The following LRRIQ1 variants were observed in gnomAD, a reference collection of about 807,000 sequenced individuals.
The protein encoded by LRRIQ1 is leucine-rich repeat- and IQ domain-containing protein 1.
A neutral mutation model predicts 211.9 loss-of-function variants in LRRIQ1; 210 were observed. That is an observed-to-expected ratio of 0.99 (90% CI 0.89 to 1.11). The LOEUF (loss-of-function observed/expected upper bound fraction) is 1.11. LRRIQ1 is among the 50% of genes most tolerant of loss of function. The pLI, the probability that LRRIQ1 is intolerant of heterozygous loss-of-function variation, is 0.00. For synonymous variants in LRRIQ1, 699 were observed against 650.1 expected (o/e 1.08, Z -1.14); for missense variants, 2,136 against 1,939.5 (o/e 1.10, Z -1.90).
chr12:85,094,454 A>C (rs942866125), intron 11 of LRRIQ1, among the ~76,000 whole-genome samples: 1 of 152,210 alleles, frequency 6.6e-6, no homozygotes, highest in Non-Finnish European at 1.5e-5. Context: ...GACCACTGCT[A>C]TATCCTGTCC....
intron 24 of LRRIQ1, among the ~76,000 whole-genome samples, chr12:85,210,221 C>A (rs1893771611): frequency 6.6e-6 from 1 of 152,078 alleles, no homozygotes; most frequent in South Asian, 2.1e-4. Flanking sequence ...TGGTCAAAAA[C>A]CACAGTATTC....
chr12:85,203,769 G>A (rs559681740), intron 24 of LRRIQ1, among the ~76,000 whole-genome samples: 2 of 152,112 alleles, frequency 1.3e-5, no homozygotes, highest in Non-Finnish European at 2.9e-5. Flanking sequence ...GGTGACTCGG[G>A]TGCTGTAAAA....
chr12:85,176,433 T>C (rs1256269920), intron 24 of LRRIQ1, among the ~76,000 whole-genome samples: 1 of 151,720 alleles, frequency 6.6e-6, no homozygotes, highest in East Asian at 1.9e-4. Flanking sequence ...TGAGTTCATG[T>C]CCTTTGTAGG....
intron 24 of LRRIQ1, among the ~76,000 whole-genome samples, chr12:85,198,138 A>G (rs186977777): frequency 1.7e-5 from 2 of 118,438 alleles, no homozygotes; most frequent in Non-Finnish European, 3.2e-5. Context: ...TATTATATAT[A>G]ATATATTATA....
intron 24 of LRRIQ1, among the ~76,000 whole-genome samples, chr12:85,173,351 T>C (rs1891512242): frequency 6.6e-6 from 1 of 152,208 alleles, no homozygotes; most frequent in African/African-American, 2.4e-5. Flanking sequence ...TCTAATTAGC[T>C]TCCAGAATGC....
chr12:85,045,617 T>A (rs1879447512), intron 4 of LRRIQ1, among the ~76,000 whole-genome samples: 1 of 151,944 alleles, frequency 6.6e-6, no homozygotes, highest in Non-Finnish European at 1.5e-5. Flanking sequence ...GGTTACAGAA[T>A]AGTTCTCTTT....
chr12:85,177,329 G>C lies in LRRIQ1; in HGVS notation c.4822+16615G>C, dbSNP rs541956529. On this transcript the variant is annotated intron_variant, in intron 24 of 26. Coordinates refer to ENST00000393217, the MANE Select transcript of LRRIQ1 (RefSeq NM_001079910.2). ...GTTCTCTATCTAGAAGCAGGGGTTGGGGGTGAGGGGCAACATAAATACTCC... is the reference window on the plus strand; with the variant it reads ...GTTCTCTATCTAGAAGCAGGGGTTGCGGGTGAGGGGCAACATAAATACTCC... Among the ~76,000 whole-genome samples, 4 of 152,152 alleles carry C rather than the reference G, an allele frequency of 2.6e-5. No individual in the cohort carries two copies. In the South Asian group the frequency reaches 6.2e-4, roughly 24 times the overall value.
In LRRIQ1 at chr12:85,153,051, ACTTCATTT is replaced by A. The variant is rs1290349842; in HGVS notation, c.4448_4455del (p.Thr1483LysfsTer5). 11 of 1,577,346 alleles carry A rather than the reference ACTTCATTT, an allele frequency of 7.0e-6. No individual in the cohort carries two copies. Among genetic ancestry groups the A allele is most frequent in the Non-Finnish European group, 8.7e-6 (10 of 1,154,986 alleles). ...TCCTGGAAACTTAAAATGGGATGAT[ACTTCATTT>A]AATTTACCAAGTAATCCAGCTCAAG... On this transcript the variant is annotated frameshift_variant, in exon 21 of 27. Coordinates refer to ENST00000393217, the MANE Select transcript of LRRIQ1 (RefSeq NM_001079910.2). LOFTEE classifies it high-confidence loss of function.
At chr12:85,114,822 A>C (rs973465021) in intron 15 of LRRIQ1, among the ~76,000 whole-genome samples, 4 of 152,162 alleles carry the variant, frequency 2.6e-5, no homozygotes, top group Middle Eastern at 3.2e-3. Context: ...CATTTATCTA[A>C]AGGATTTTAA....
Position 85,124,478 on chromosome 12 carries a change from T to A in LRRIQ1, c.3966T>A (p.Ser1322=). The A allele has an allele frequency of 6.2e-7, 1 of 1,613,428 alleles. No homozygotes were observed. Among genetic ancestry groups the A allele is most frequent in the South Asian group, 1.1e-5 (1 of 91,078 alleles). The change falls in exon 17 of 27, where the codon TCT becomes TCA. Residue 1322 remains serine (S), a synonymous_variant. Coordinates refer to ENST00000393217, the MANE Select transcript of LRRIQ1 (RefSeq NM_001079910.2). ...TTAAGGAAGTAGTAATGACAAATTC[T>A]TTGCTGAGGAATCACCAAAATATTG... ...IPFKEVVMTN[S]LLRNHQNIEP...
intron 16 of LRRIQ1, 98 bp downstream of exon 16, chr12:85,121,974 G>T: frequency 3.8e-6 from 4 of 1,044,144 alleles, no homozygotes; most frequent in East Asian, 3.0e-5. Context: ...ATACTTTTTT[G>T]GATTAGAACA....
At chr12:85,267,380 G>A (rs911443634), downstream of LRRIQ1, among the ~76,000 whole-genome samples, 1 of 151,766 alleles carries the variant, frequency 6.6e-6, no homozygotes, top group Admixed American at 6.6e-5. Flanking sequence ...AGCCATATTA[G>A]CCCCTAAAAT....
At chr12:85,242,422 A>G (rs1895507327) in intron 26 of LRRIQ1, among the ~76,000 whole-genome samples, 1 of 151,972 alleles carries the variant, frequency 6.6e-6, no homozygotes, top group African/African-American at 2.4e-5. Context: ...GAAGTAATCT[A>G]GAGATTATTT....
intron 19 of LRRIQ1, among the ~76,000 whole-genome samples, chr12:85,139,945 A>C (rs532681786): frequency 2.0e-5 from 3 of 151,388 alleles, no homozygotes; most frequent in Non-Finnish European, 4.4e-5. Flanking sequence ...GCTCAAATAA[A>C]TTGAACTGTT....
At chr12:85,139,466 G>A (rs1471952206) in intron 19 of LRRIQ1, among the ~76,000 whole-genome samples, 2 of 151,422 alleles carry the variant, frequency 1.3e-5, no homozygotes, top group African/African-American at 4.8e-5. Flanking sequence ...ACTGCAAGAG[G>A]TAAATATAGT....
chr12:85,198,323 C>G (rs1457302103), intron 24 of LRRIQ1, among the ~76,000 whole-genome samples: 2 of 149,700 alleles, frequency 1.3e-5, no homozygotes, highest in Non-Finnish European at 3.0e-5. Context: ...GGGTGTATAC[C>G]CAAAAGTGGA....
At chr12:85,113,232 C>A (rs776066031) in intron 15 of LRRIQ1, among the ~76,000 whole-genome samples, 1 of 152,064 alleles carries the variant, frequency 6.6e-6, no homozygotes, top group African/African-American at 2.4e-5. Context: ...GAAACAAATT[C>A]TGGAGGGTGC....
intron 17 of LRRIQ1, 30 bp from the exon 18 acceptor site, chr12:85,127,802 A>G (rs767317868): frequency 6.3e-7 from 1 of 1,585,796 alleles, no homozygotes; most frequent in Non-Finnish European, 8.6e-7. Context: ...TAATAAAAAA[A>G]GTGTGTGTTT....
rs898155516 is a variant in LRRIQ1, at chr12:85,180,841, T to C, written c.4822+20127T>C. Among the ~76,000 whole-genome samples, 34 of 151,896 alleles carry C rather than the reference T, an allele frequency of 2.2e-4. 1 individual carries two copies. Among genetic ancestry groups the C allele is most frequent in the Non-Finnish European group, 4.9e-4 (33 of 67,848 alleles). On this transcript the variant is annotated intron_variant, in intron 24 of 26. Coordinates refer to ENST00000393217, the MANE Select transcript of LRRIQ1 (RefSeq NM_001079910.2). ...GGATACATTTTGAAATATTACATTTTAAAATATGGTGTGTTTGTGTGTGTG... is the reference window on the plus strand; with the variant it reads ...GGATACATTTTGAAATATTACATTTCAAAATATGGTGTGTTTGTGTGTGTG...
Sources: allele counts gnomAD v4.1 joint callset (sites outside exome capture counted in the v4.1 genomes callset), GRCh38; gene constraint gnomAD v4.1.1; transcripts MANE v1.5; gene names NCBI Gene and HGNC (gene_info 2026-07-23, HGNC 2026-07-21).